GFI1: variants seen among roughly 807,000 people sequenced by gnomAD.
GFI1 encodes the protein growth factor independent 1 transcriptional repressor.
Under a neutral mutation model 39.2 loss-of-function variants are expected in GFI1, and 15 were observed. The ratio of observed to expected loss-of-function variants is 0.38; its 90% CI spans 0.26 to 0.59. The LOEUF (loss-of-function observed/expected upper bound fraction) is 0.59. GFI1 is among the 20% of genes least tolerant of loss of function. The pLI is 0.62. For synonymous variants in GFI1, 239 were observed against 254.3 expected, an observed-to-expected ratio of 0.94 and a Z score of 0.57; for missense variants, 475 against 574.0, an observed-to-expected ratio of 0.83 and a Z score of 1.76.
Position 92,475,748 on chromosome 1 carries a change from AC to A in GFI1, c.*280del. On this transcript the variant is annotated 3_prime_UTR_variant, in exon 7 of 7. Coordinates refer to ENST00000294702, the MANE Select transcript of GFI1 (RefSeq NM_005263.5). ...TAAGATTTATTCTGGTCCCCATTTG[AC>A]TTTGCCTTTGTCTTCAGGTGTAGAG... 2 of 479,802 alleles carry A rather than the reference AC, an allele frequency of 4.2e-6. No individual in the cohort carries two copies. Among genetic ancestry groups the A allele is most frequent in the Non-Finnish European group, 7.7e-6 (2 of 260,448 alleles). The allele number at this position is 479,802 out of a possible 1,614,324, so 29.7% of individuals were successfully genotyped here. A position where few individuals can be genotyped will look rare whatever the true frequency, so the allele number is the denominator to read the frequency against.
intron 6 of GFI1, among the ~76,000 whole-genome samples, chr1:92,476,884 G>A (rs1658006420): frequency 6.6e-6 from 1 of 152,096 alleles, no homozygotes; most frequent in South Asian, 2.1e-4. Context: ...ATACTTTACT[G>A]TCTTGATTTT....
chr1:92,483,010 G>T lies in GFI1; in HGVS notation c.152C>A (p.Pro51His). 2 of 1,606,444 alleles carry T rather than the reference G, an allele frequency of 1.2e-6. No individual in the cohort carries two copies. The highest frequency in any genetic ancestry group is 1.7e-6 in the Non-Finnish European group (2 of 1,176,296). Residue 51 changes from proline to histidine, a missense_variant, in exon 3 of 7, where the codon CCC becomes CAC. By Grantham distance (77) the Pro-to-His change is moderately conservative (BLOSUM62 -2). This residue lies in a region of GFI1 where 275 missense variants were observed against 275.8 expected (regional missense o/e 1.00). Coordinates refer to ENST00000294702, the MANE Select transcript of GFI1 (RefSeq NM_005263.5). The part of the protein sequence containing the change: ...TSNAGGAKAE[P>H]RDRLSPESQL... ...CGATTCGGGGGACAAACGGTCCCGG[G>T]GCTCCGCCTTCGCCCCGCCTGCATT...
chr1:92,481,123 T>C lies in GFI1; in HGVS notation c.299-35A>G, dbSNP rs764782613. The C allele has an allele frequency of 6.9e-6, 11 of 1,584,448 alleles. No homozygotes were observed. Among genetic ancestry groups the C allele is most frequent in the African/African-American group, 2.7e-5 (2 of 74,358 alleles). ...CACAAGGGGAGCGTCCGGTCAGGCT[T>C]CAGACGGCAGAGCGGAGGCCGCCGG... On this transcript the variant is annotated intron_variant, in intron 3 of 6. Transcript: ENST00000294702. This position sits in a 1 kb window ranked among gnomAD's most constrained non-coding sequence, Gnocchi z 4.3.
intron 6 of GFI1, among the ~76,000 whole-genome samples, 172 bp from the exon 7 acceptor site, chr1:92,476,379 G>A (rs1317403264): frequency 1.3e-5 from 2 of 152,166 alleles, no homozygotes; most frequent in Non-Finnish European, 2.9e-5. Context: ...CCTGCAATGC[G>A]AGTCCCTGGA....
Position 92,475,456 on chromosome 1 carries a change from AG to A in GFI1, c.*572del. 6.2e-6 allele frequency: 1 copy of A among 160,536 alleles called. No homozygotes were observed. The allele number at this position is 160,536 out of a possible 1,614,324, so 9.9% of individuals were successfully genotyped here. On this transcript the variant is annotated 3_prime_UTR_variant, in exon 7 of 7. Transcript: ENST00000294702. ...CCTTCCCCAAGTCAGTTTCTGAATCAGTTTTTGAGGAGGAGAAATGATTCCT... is the reference window on the plus strand; with the variant it reads ...CCTTCCCCAAGTCAGTTTCTGAATCATTTTTGAGGAGGAGAAATGATTCCT...
chr1:92,473,127 C>G lies in GFI1; in HGVS notation c.*2902G>C, dbSNP rs1490591376. ...TTCAAATTTCACACGGTAACAGGCA[C>G]AGTAATTTGTTTTGATTCTGAACTG... On this transcript the variant is annotated 3_prime_UTR_variant, in exon 7 of 7. Coordinates refer to ENST00000294702, the MANE Select transcript of GFI1 (RefSeq NM_005263.5). Among the ~76,000 whole-genome samples, 1 of 140,802 alleles carries G rather than the reference C, an allele frequency of 7.1e-6. No individual in the cohort carries two copies. The highest frequency in any genetic ancestry group is 1.5e-5 in the Non-Finnish European group (1 of 65,942). 92.4% of individuals were successfully genotyped at this position (140,802 alleles called of 152,430 possible). A position where few individuals can be genotyped will look rare whatever the true frequency, so the allele number is the denominator to read the frequency against.
rs191351103 is a variant in GFI1 at position 92,474,162 on chromosome 1, A to G, written c.*1867T>C. 2.0e-5 allele frequency among the ~76,000 whole-genome samples: 3 copies of G among 152,350 alleles called. No homozygotes were observed. The highest frequency in any genetic ancestry group is 7.2e-5 in the African/African-American group (3 of 41,578). On this transcript the variant is annotated 3_prime_UTR_variant, in exon 7 of 7. Coordinates refer to ENST00000294702, the MANE Select transcript of GFI1 (RefSeq NM_005263.5). ...TGGGACAGAACCAGAAATAACCCAG[A>G]TCCTCATGGGCCTTTAGATTTGTGA...
Position 92,484,044 on chromosome 1 carries a change from G to C in GFI1, c.-99-458C>G. On this transcript the variant is annotated intron_variant, in intron 1 of 6. Coordinates refer to ENST00000294702, the MANE Select transcript of GFI1 (RefSeq NM_005263.5). The surrounding 1 kb of genome is among the most constrained non-coding windows in gnomAD (Gnocchi z 4.1). ...TAGGGGCCGGGGATGCCCAGTGGTC[G>C]AGGACCCGGAAGGGGCAAGGAGCCA... 1 of 197,598 alleles carries C rather than the reference G, an allele frequency of 5.1e-6. No individual in the cohort carries two copies. Among genetic ancestry groups the C allele is most frequent in the Non-Finnish European group, 1.1e-5 (1 of 94,584 alleles). The allele number at this position is 197,598 out of a possible 1,614,324, so 12.2% of individuals were successfully genotyped here.
intron 1 of GFI1, 59 bp from the exon 2 acceptor site, chr1:92,483,645 T>A: frequency 1.5e-6 from 1 of 680,562 alleles, no homozygotes; most frequent in Non-Finnish European, 2.7e-6. Context: ...TGCGGCGGAC[T>A]GGGCACCCAG....
In GFI1 at chr1:92,482,716, C is replaced by T. The variant is rs553996787; in HGVS notation, c.298+148G>A. 2.4e-5 allele frequency: 17 copies of T among 702,072 alleles called. No homozygotes were observed. The East Asian group carries it at 3.8e-4, about 16-fold the overall frequency. 43.5% of individuals were successfully genotyped at this position (702,072 alleles called of 1,614,324 possible). ...GTCCAAGTCCCAGAGAAGCCGGATG[C>T]CTCCTTCCCCTACGAATCAGCTCCC... On this transcript the variant is annotated intron_variant, in intron 3 of 6. Transcript: ENST00000294702. The surrounding 1 kb of genome is among the most constrained non-coding windows in gnomAD (Gnocchi z 4.4).
intron 1 of GFI1, among the ~76,000 whole-genome samples, chr1:92,485,493 C>G (rs2101588146): frequency 6.6e-6 from 1 of 151,708 alleles, no homozygotes; most frequent in Non-Finnish European, 1.5e-5. Flanking sequence ...CCCACCCGGG[C>G]TGTAAGCCCA....
chr1:92,482,321 A>G lies in GFI1; in HGVS notation c.298+543T>C, dbSNP rs1658296914. On this transcript the variant is annotated intron_variant, in intron 3 of 6. Coordinates refer to ENST00000294702, the MANE Select transcript of GFI1 (RefSeq NM_005263.5). The surrounding 1 kb of genome is among the most constrained non-coding windows in gnomAD (Gnocchi z 4.4). ...ATTGCTCGCTGGAAATGAAACCCAG[A>G]GAGCAGGCCCCTGAGGCTAGGTTAA... Among the ~76,000 whole-genome samples, 1 of 152,104 alleles carries G rather than the reference A, an allele frequency of 6.6e-6. No homozygotes were observed. Among genetic ancestry groups the G allele is most frequent in the Non-Finnish European group, 1.5e-5 (1 of 68,028 alleles).
rs1657836873 is a variant in GFI1, at chr1:92,473,885, TC to T, written c.*2143del. On this transcript the variant is annotated 3_prime_UTR_variant, in exon 7 of 7. Transcript: ENST00000294702. Reference sequence around the variant, plus strand: ...GATTCAACAATGAATAAATAAAGCTTCGTAAGACATTGTCCTCACTGCTATA... The same window carrying T: ...GATTCAACAATGAATAAATAAAGCTTGTAAGACATTGTCCTCACTGCTATA... 6.6e-6 allele frequency among the ~76,000 whole-genome samples: 1 copy of T among 152,238 alleles called. No homozygotes were observed. Among genetic ancestry groups the T allele is most frequent in the African/African-American group, 2.4e-5 (1 of 41,458 alleles).
intron 2 of GFI1, 96 bp from the exon 3 acceptor site, chr1:92,483,142 G>A: frequency 5.1e-6 from 6 of 1,179,174 alleles, no homozygotes; most frequent in East Asian, 2.5e-5. Context: ...GCAGCCGAGC[G>A]TCTTCCCCTC....
In GFI1 at chr1:92,476,047, C is replaced by T. The variant is rs757855720; in HGVS notation, c.1251G>A (p.Thr417=). ...AGGGTGCTCATTTGAGCCCATGCTG[C>T]GTCTCCCGGTGCCTTCGGAGGTCCA... is the stretch of plus-strand genomic sequence containing the variant. ...RKVDLRRHRE[T]QHGLK Residue 417 remains threonine (T), a synonymous_variant, in exon 7 of 7, where the codon ACG becomes ACA. Coordinates refer to ENST00000294702, the MANE Select transcript of GFI1 (RefSeq NM_005263.5). The T allele has an allele frequency of 1.8e-5, 29 of 1,613,950 alleles. No homozygotes were observed. The highest frequency in any genetic ancestry group is 2.1e-5 in the Non-Finnish European group (25 of 1,179,996).
Position 92,480,991 on chromosome 1 carries a change from C to T in GFI1, c.396G>A (p.Leu132=). 6.2e-7 allele frequency: 1 copy of T among 1,608,226 alleles called. No individual in the cohort carries two copies. Among genetic ancestry groups the T allele is most frequent in the Non-Finnish European group, 8.5e-7 (1 of 1,177,914 alleles). ...YSWSGLAGSD[L]RHLVQSYRPC... is the part of the protein sequence containing the mutation. ...GTCGGTAGCTCTGCACCAGGTGCCGCAGGTCAGAACCCGCCAGGCCGCTCC... is the reference window on the plus strand; with the variant it reads ...GTCGGTAGCTCTGCACCAGGTGCCGTAGGTCAGAACCCGCCAGGCCGCTCC... Residue 132 remains leucine (L), a synonymous_variant, in exon 4 of 7, where the codon CTG becomes CTA. Coordinates refer to ENST00000294702, the MANE Select transcript of GFI1 (RefSeq NM_005263.5). The surrounding 1 kb of genome is among the most constrained non-coding windows in gnomAD (Gnocchi z 5.6).
chr1:92,476,134 G>T lies in GFI1; in HGVS notation c.1164C>A (p.Arg388=). 6.2e-7 allele frequency: 1 copy of T among 1,614,078 alleles called. No individual in the cohort carries two copies. The highest frequency in any genetic ancestry group is 1.1e-5 in the South Asian group (1 of 91,010). The change falls in exon 7 of 7, where the codon CGC becomes CGA. Residue 388 remains arginine (R), a synonymous_variant. Transcript: ENST00000294702. The part of the protein sequence containing the change: ...SQSSNLITHS[R]KHTGFKPFGC... ...CGAAGGGCTTGAAGCCTGTGTGTTTGCGGCTGTGGGTGATGAGGTTGGAGC... is the reference window on the plus strand; with the variant it reads ...CGAAGGGCTTGAAGCCTGTGTGTTTTCGGCTGTGGGTGATGAGGTTGGAGC...
Position 92,480,898 on chromosome 1 carries a change from G to A in GFI1, c.489C>T (p.His163=), listed in dbSNP as rs1368956857. 6.5e-7 allele frequency: 1 copy of A among 1,544,228 alleles called. No homozygotes were observed. The highest frequency in any genetic ancestry group is 2.0e-5 in the Admixed American group (1 of 50,738). The change falls in exon 4 of 7, where the codon CAC becomes CAT. Residue 163 remains histidine (H), a synonymous_variant. Coordinates refer to ENST00000294702, the MANE Select transcript of GFI1 (RefSeq NM_005263.5). This position sits in a 1 kb window ranked among gnomAD's most constrained non-coding sequence, Gnocchi z 5.6. The part of the protein sequence containing the change: ...LFCEPAPEPG[H]PAALYGPKRA... ...GCTTCGGGCCGTACAGCGCGGCCGG[G>A]TGGCCAGGCTCCGGGGCGGGTTCGC... is the stretch of plus-strand genomic sequence containing the variant.
Position 92,481,195 on chromosome 1 carries a change from C to G in GFI1, c.299-107G>C, listed in dbSNP as rs966900779. ...TGTTCGCGGACTGCGGGGCACCCAG[C>G]GCTTGTAGAACACTGCGTGCGCCAG... On this transcript the variant is annotated intron_variant, in intron 3 of 6. Coordinates refer to ENST00000294702, the MANE Select transcript of GFI1 (RefSeq NM_005263.5). The surrounding 1 kb of genome is among the most constrained non-coding windows in gnomAD (Gnocchi z 4.3). The G allele has an allele frequency of 8.9e-6, 9 of 1,011,534 alleles. No individual in the cohort carries two copies. The highest frequency in any genetic ancestry group is 8.0e-5 in the Admixed American group (4 of 50,098). The allele number at this position is 1,011,534 out of a possible 1,614,324, so 62.7% of individuals were successfully genotyped here. A position where few individuals can be genotyped will look rare whatever the true frequency, so the allele number is the denominator to read the frequency against.
Sources: gnomAD v4.1 joint callset for allele counts (sites outside exome capture counted in the v4.1 genomes callset) on GRCh38, gnomAD v4.1.1 for gene constraint, gnomAD v4.1.1 regional missense constraint, Gnocchi (gnomAD v3.1) non-coding constraint, MANE v1.5 for transcripts, NCBI Gene and HGNC (gene_info 2026-07-23, HGNC 2026-07-21) for gene names.